MGAT5: variants seen among roughly 807,000 people sequenced by gnomAD.
MGAT5 encodes alpha-1,6-mannosylglycoprotein 6-beta-N-acetylglucosaminyltransferase.
MGAT5 carries 30 observed loss-of-function variants against 94.3 expected under a neutral mutation model. The observed-to-expected ratio is 0.32, with a 90% CI of 0.24 to 0.43. The LOEUF is 0.43. MGAT5 is among the 20% of genes least tolerant of loss of function. The probability of loss-of-function intolerance (pLI) is 1.00; values close to 1 mark genes in which losing one functional copy is unlikely to be tolerated. For synonymous variants in MGAT5, 310 were observed against 322.9 expected (o/e 0.96, Z 0.43); for missense variants, 691 against 905.5 (o/e 0.76, Z 3.04).
intron 11 of MGAT5, among the ~76,000 whole-genome samples, chr2:134,403,856 TGTG>T (rs1683194841): frequency 6.6e-6 from 1 of 152,206 alleles, no homozygotes; most frequent in Non-Finnish European, 1.5e-5. Context: ...GTTCACACCA[TGTG>T]GTGGAGGTAG....
intron 9 of MGAT5, among the ~76,000 whole-genome samples, chr2:134,360,705 T>C (rs989554996): frequency 6.6e-6 from 1 of 152,250 alleles, no homozygotes; most frequent in Middle Eastern, 3.2e-3. Flanking sequence ...GAAAATTCCC[T>C]ATGCCCTCAG....
At chr2:134,318,206 G>A (rs1430957742) in intron 3 of MGAT5, among the ~76,000 whole-genome samples, 1 of 152,180 alleles carries the variant, frequency 6.6e-6, no homozygotes, top group Non-Finnish European at 1.5e-5. Flanking sequence ...AAGCATTTGG[G>A]TGGTATCCAT....
chr2:134,178,844 ATAAC>A (rs1334242495), intron 1 of MGAT5, among the ~76,000 whole-genome samples: 2 of 152,198 alleles, frequency 1.3e-5, no homozygotes, highest in African/African-American at 4.8e-5. Context: ...CTCCCTGTTA[ATAAC>A]TAACATTTAC....
chr2:134,138,305 C>T (rs1040824156), intron 1 of MGAT5, among the ~76,000 whole-genome samples: 1 of 152,132 alleles, frequency 6.6e-6, no homozygotes, highest in African/African-American at 2.4e-5. Flanking sequence ...GACCACTCCC[C>T]TCCCCCACTC....
At chr2:134,252,818 G>A (rs1682699461), upstream of MGAT5, among the ~76,000 whole-genome samples, 1 of 152,130 alleles carries the variant, frequency 6.6e-6, no homozygotes, top group Admixed American at 6.5e-5. Flanking sequence ...GGCTGTTGGG[G>A]GAGTGAGGAT....
chr2:134,273,293 T>C (rs1684149619), intron 2 of MGAT5, among the ~76,000 whole-genome samples: 1 of 152,208 alleles, frequency 6.6e-6, no homozygotes, highest in South Asian at 2.1e-4. Flanking sequence ...TCCATAACCA[T>C]GCTGATGTCT....
chr2:134,389,704 C>T (rs80293437), intron 10 of MGAT5, among the ~76,000 whole-genome samples: 233 of 152,200 alleles, frequency 1.5e-3, no homozygotes, highest in Middle Eastern at 6.8e-3. Flanking sequence ...GCAAGCTGGT[C>T]CCATCATAAA....
intron 1 of MGAT5, among the ~76,000 whole-genome samples, chr2:134,260,775 C>A (rs1251920725): frequency 6.7e-6 from 1 of 148,436 alleles, no homozygotes; most frequent in Non-Finnish European, 1.5e-5. Flanking sequence ...AAGTAGAAAT[C>A]CCCTGCCCTT....
At chr2:134,365,660 C>T (rs767763040) in intron 10 of MGAT5, among the ~76,000 whole-genome samples, 12 of 152,080 alleles carry the variant, frequency 7.9e-5, no homozygotes, top group Non-Finnish European at 1.6e-4. Flanking sequence ...GTGGAAGACA[C>T]AGATAGAACT....
intron 1 of MGAT5, among the ~76,000 whole-genome samples, chr2:134,221,591 TATAGAA>T (rs1263943155): frequency 6.6e-6 from 1 of 152,190 alleles, no homozygotes; most frequent in African/African-American, 2.4e-5. Context: ...GGGGATTCTC[TATAGAA>T]TGTGGATTTT....
chr2:134,217,711 C>T (rs766304689), intron 1 of MGAT5, among the ~76,000 whole-genome samples: 29 of 152,198 alleles, frequency 1.9e-4, no homozygotes, highest in Non-Finnish European at 3.7e-4. Context: ...TCACCTCCTG[C>T]TGTGGATTTC....
chr2:134,341,945 T>C (rs921113131), intron 7 of MGAT5, among the ~76,000 whole-genome samples, 186 bp downstream of exon 7: 1 of 152,158 alleles, frequency 6.6e-6, no homozygotes, highest in African/African-American at 2.4e-5. Context: ...ATAATATGTT[T>C]TCATTGTCGC....
At chr2:134,422,065 C>A (rs1684334318) in intron 12 of MGAT5, among the ~76,000 whole-genome samples, 1 of 151,974 alleles carries the variant, frequency 6.6e-6, no homozygotes, top group African/African-American at 2.4e-5. Context: ...GTAGTCCCAA[C>A]TACTCAGAAT....
At chr2:134,434,822 C>T (rs1188482491) in intron 14 of MGAT5, among the ~76,000 whole-genome samples, 4 of 152,156 alleles carry the variant, frequency 2.6e-5, no homozygotes, top group East Asian at 1.9e-4. Flanking sequence ...TCATACTGTT[C>T]GGTAATTTTT....
intron 2 of MGAT5, among the ~76,000 whole-genome samples, chr2:134,281,204 G>T (rs1684672181): frequency 6.6e-6 from 1 of 152,160 alleles, no homozygotes; most frequent in South Asian, 2.1e-4. Flanking sequence ...TGAGATCCTG[G>T]TCCAACATCT....
intron 1 of MGAT5, among the ~76,000 whole-genome samples, chr2:134,189,381 T>C (rs1346292664): frequency 1.3e-5 from 2 of 152,110 alleles, no homozygotes; most frequent in Admixed American, 6.5e-5. Flanking sequence ...GAACCATCCC[T>C]CTTCCCAACC....
intron 1 of MGAT5, among the ~76,000 whole-genome samples, chr2:134,138,895 G>T (rs865907281): frequency 6.6e-6 from 1 of 152,166 alleles, no homozygotes; most frequent in Non-Finnish European, 1.5e-5. Flanking sequence ...GGGATATATG[G>T]TCCCCCTACT....
rs10674634 is a variant in MGAT5 at position 134,232,082 on chromosome 2, ACTCCTC to A, written c.-142-22167_-142-22162del. On this transcript the variant is annotated intron_variant, in intron 1 of 16. Transcript: ENST00000409645. ...GCTGGAAGCCTAGTGGTCATTCTATACTCCTCCTCCTCCTCCTCGTCTTCCCTCATT... is the reference window on the plus strand; with the variant it reads ...GCTGGAAGCCTAGTGGTCATTCTATACTCCTCCTCCTCGTCTTCCCTCATT... Among the ~76,000 whole-genome samples, 8 of 149,874 alleles carry A rather than the reference ACTCCTC, an allele frequency of 5.3e-5. No homozygotes were observed. The East Asian group carries it at 6.3e-4, about 12-fold the overall frequency.
chr2:134,258,314 C>G (rs1160159056), intron 1 of MGAT5, among the ~76,000 whole-genome samples: 1 of 152,224 alleles, frequency 6.6e-6, no homozygotes, highest in Non-Finnish European at 1.5e-5. Flanking sequence ...CATGGTTATT[C>G]TAAATACTCA....
Sources: gnomAD v4.1 joint callset for allele counts (sites outside exome capture counted in the v4.1 genomes callset) on GRCh38, gnomAD v4.1.1 for gene constraint, MANE v1.5 for transcripts, NCBI Gene and HGNC (gene_info 2026-07-23, HGNC 2026-07-21) for gene names.